The following CCT2 variants were observed in gnomAD, a reference collection of about 807,000 sequenced individuals.
CCT2 encodes the protein chaperonin containing TCP1 subunit 2.
A neutral mutation model predicts 61.8 loss-of-function variants in CCT2; 18 were observed. The observed-to-expected ratio is 0.29, with a 90% confidence interval of 0.20 to 0.43. The LOEUF (loss-of-function observed/expected upper bound fraction) is 0.43, where lower values mean the gene tolerates loss of function less well. Ranked by LOEUF, CCT2 falls within the 20% of genes least tolerant of loss-of-function variation. CCT2 has a pLI of 1.00. For synonymous variants in CCT2, 248 were observed against 215.9 expected, an observed-to-expected ratio of 1.15 and a Z score of -1.30; for missense variants, 556 against 656.9, an observed-to-expected ratio of 0.85 and a Z score of 1.68.
chr12:69,589,326 C>CT (rs1238103175), intron 6 of CCT2, 159 bp from the exon 7 acceptor site: 1 of 608,266 alleles, frequency 1.6e-6, no homozygotes, highest in African/African-American at 1.9e-5. Context: ...AAAATAACAT[C>CT]TTTAATTTGT....
chr12:69,592,947 A>G (rs373048084), intron 8 of CCT2, 29 bp from the exon 9 acceptor site: 3 of 1,601,882 alleles, frequency 1.9e-6, no homozygotes, highest in African/African-American at 1.4e-5. Context: ...AATGAAACTG[A>G]TGCTCTCTTT....
At chr12:69,593,361 TAAACTC>T (rs1480208811) in intron 9 of CCT2, 143 bp from the exon 10 acceptor site, 5 of 629,938 alleles carry the variant, frequency 7.9e-6, no homozygotes, top group Non-Finnish European at 1.4e-5. Context: ...CTATAGTTGA[TAAACTC>T]TAATTATATA....
rs760253565 is a variant in CCT2 at position 69,585,504 on chromosome 12, G to A, written c.-18G>A. 6 of 1,565,734 alleles carry A rather than the reference G, an allele frequency of 3.8e-6. No homozygotes were observed. In the South Asian group the frequency reaches 5.9e-5, roughly 15 times the overall value. On this transcript the variant is annotated 5_prime_UTR_variant, in exon 1 of 16. Coordinates refer to ENST00000299300, the MANE Select transcript of CCT2 (RefSeq NM_006431.3). ...GAGCTGTGAGGGGATTCACTTGTGT[G>A]CGGAACTCCTCGGAACCATGGTGAG...
chr12:69,586,934 C>A, intron 3 of CCT2, 116 bp downstream of exon 3: 5 of 616,246 alleles, frequency 8.1e-6, no homozygotes, highest in Non-Finnish European at 1.3e-5. Flanking sequence ...TTATAAAAGA[C>A]AAGTATGTTC....
chr12:69,587,388 C>T (rs1881697846), intron 3 of CCT2, 117 bp from the exon 4 acceptor site: 1 of 605,746 alleles, frequency 1.7e-6, no homozygotes, highest in African/African-American at 1.9e-5. Context: ...TGAATGGATA[C>T]CACAAAATAG....
intron 6 of CCT2, 150 bp from the exon 7 acceptor site, chr12:69,589,335 G>T: frequency 8.2e-6 from 5 of 609,776 alleles, no homozygotes; most frequent in South Asian, 2.1e-5. Context: ...TCTTTAATTT[G>T]TGTTTCTTGA....
Position 69,592,121 on chromosome 12 carries a change from C to T in CCT2, c.712C>T (p.Leu238Phe). The change falls in exon 8 of 16, where the codon CTT (leucine) becomes TTT (phenylalanine). Residue 238 changes from leucine (L) to phenylalanine (F), a missense_variant. Transcript: ENST00000299300. ...QPKRIENAKILIANTGMDTDK... is the reference protein window; with the variant it reads ...QPKRIENAKIFIANTGMDTDK... ...AAAACGAATTGAAAATGCTAAAATTCTTATTGCAAATACTGGTATGGATAC... is the reference window on the plus strand; with the variant it reads ...AAAACGAATTGAAAATGCTAAAATTTTTATTGCAAATACTGGTATGGATAC... 1.9e-6 allele frequency: 3 copies of T among 1,598,022 alleles called. No homozygotes were observed. The highest frequency in any genetic ancestry group is 2.6e-6 in the Non-Finnish European group (3 of 1,165,506).
chr12:69,597,665 G>C lies in CCT2; in HGVS notation c.1130G>C (p.Gly377Ala), dbSNP rs879840470. 1 of 1,613,868 alleles carries C rather than the reference G, an allele frequency of 6.2e-7. No individual in the cohort carries two copies. The highest frequency in any genetic ancestry group is 8.5e-7 in the Non-Finnish European group (1 of 1,179,896). The change falls in exon 12 of 16, where the codon GGT becomes GCT. Residue 377 changes from glycine to alanine, a missense_variant. Transcript: ENST00000299300. ...LGEACTIVLR[G>A]ATQQILDEAE... is the part of the protein sequence containing the mutation. ...GAGGCTTGTACCATTGTTTTGCGTG[G>C]TGCCACTCAACAAATTTTAGATGAA... is the stretch of plus-strand genomic sequence containing the variant.
chr12:69,586,397 G>T, intron 2 of CCT2, 53 bp downstream of exon 2: 9 of 1,298,434 alleles, frequency 6.9e-6, no homozygotes, highest in Non-Finnish European at 1.0e-5. Context: ...GCCAGGCGCG[G>T]TGGCTTACTC....
At chr12:69,599,570 G>A in intron 14 of CCT2, 1 of 170,574 alleles carries the variant, frequency 5.9e-6, no homozygotes, top group Non-Finnish European at 1.2e-5. Context: ...TATATTTTTA[G>A]TAGACGGGGT....
intron 1 of CCT2, 30 bp downstream of exon 1, chr12:69,585,554 A>G: frequency 6.4e-7 from 1 of 1,567,024 alleles, no homozygotes; most frequent in South Asian, 1.2e-5. Flanking sequence ...CTCTTGCCCT[A>G]CCCCTGCTCC....
At position 69,599,845 on chromosome 12, in the gene CCT2, A is replaced by C. The variant is rs1882098761; in HGVS notation, c.1436-18A>C. On this transcript the variant is annotated intron_variant, in intron 14 of 15. Transcript: ENST00000299300. ...TTTAGTTAAAACTGCTTTTTAGTAA[A>C]TTTGTTTTTCTTTGCAGATATGAGG... 6.3e-7 allele frequency: 1 copy of C among 1,590,204 alleles called. No individual in the cohort carries two copies. The highest frequency in any genetic ancestry group is 8.5e-7 in the Non-Finnish European group (1 of 1,170,266).
chr12:69,585,883 G>C (rs1406105756), intron 1 of CCT2: 2 of 1,288,154 alleles, frequency 1.6e-6, no homozygotes, highest in Non-Finnish European at 9.9e-7. Context: ...AGAGGGTGGA[G>C]GGGCCGCAGC....
intron 2 of CCT2, 80 bp downstream of exon 2, chr12:69,586,424 T>A: frequency 9.9e-7 from 1 of 1,014,452 alleles, no homozygotes; most frequent in Non-Finnish European, 1.5e-6. Context: ...TCCCAGTACT[T>A]TGGGAGGCCG....
chr12:69,593,556 G>A lies in CCT2; in HGVS notation c.925G>A (p.Val309Ile). 6.2e-7 allele frequency: 1 copy of A among 1,613,588 alleles called. No individual in the cohort carries two copies. Among genetic ancestry groups the A allele is most frequent in the South Asian group, 1.1e-5 (1 of 91,042 alleles). The change falls in exon 10 of 16, where the codon GTC (valine) becomes ATC (isoleucine). Residue 309 changes from valine to isoleucine, a missense_variant. Val to Ile is a conservative substitution (Grantham distance 29). Coordinates refer to ENST00000299300, the MANE Select transcript of CCT2 (RefSeq NM_006431.3). ...YPEQLFGAAG[V>I]MAIEHADFAG... ...TGAACAGCTCTTTGGTGCTGCTGGTGTCATGGCTATTGAGCATGCAGATTT... is the reference window on the plus strand; with the variant it reads ...TGAACAGCTCTTTGGTGCTGCTGGTATCATGGCTATTGAGCATGCAGATTT...
chr12:69,586,168 T>C, intron 1 of CCT2, 102 bp from the exon 2 acceptor site: 1 of 1,159,620 alleles, frequency 8.6e-7, no homozygotes, highest in East Asian at 2.4e-5. Flanking sequence ...TGTAAATGAG[T>C]TTTCTCTTAG....
intron 7 of CCT2, among the ~76,000 whole-genome samples, chr12:69,590,521 G>T (rs1881803529): frequency 6.6e-6 from 1 of 151,794 alleles, no homozygotes; most frequent in Non-Finnish European, 1.5e-5. Flanking sequence ...TCACAAAATG[G>T]CCTGTCAAAA....
At position 69,593,618 on chromosome 12, in the gene CCT2, G is replaced by A; in HGVS notation, c.982+5G>A. ...AACGCCTAGCTCTTGTCACAGGTAT[G>A]GAAAAAAGGTATTGTTTTCTAACAA... On this transcript the variant is annotated splice_donor_5th_base_variant and intron_variant, in intron 10 of 15. Coordinates refer to ENST00000299300, the MANE Select transcript of CCT2 (RefSeq NM_006431.3). 2.6e-6 allele frequency: 4 copies of A among 1,560,808 alleles called. No homozygotes were observed. Among genetic ancestry groups the A allele is most frequent in the Non-Finnish European group, 3.5e-6 (4 of 1,136,192 alleles).
intron 8 of CCT2, chr12:69,592,506 T>A: frequency 5.6e-6 from 1 of 177,910 alleles, no homozygotes; most frequent in Non-Finnish European, 1.2e-5. Flanking sequence ...AAAAAAAAAA[T>A]TGCTGGATTC....
Sources: allele counts gnomAD v4.1 joint callset (sites outside exome capture counted in the v4.1 genomes callset), GRCh38; gene constraint gnomAD v4.1.1; transcripts MANE v1.5; gene names NCBI Gene and HGNC (gene_info 2026-07-23, HGNC 2026-07-21).